ATXN10: variants seen among roughly 807,000 people sequenced by gnomAD.
The protein encoded by ATXN10 is ataxin-10.
In ATXN10, 28 loss-of-function variants were observed where a neutral mutation model predicts 52.9. The observed-to-expected ratio is 0.53, with a 90% CI of 0.39 to 0.73. The LOEUF (loss-of-function observed/expected upper bound fraction) is 0.73, where lower values mean the gene tolerates loss of function less well. Among genes scored for constraint, ATXN10 ranks in the 30% least tolerant of loss-of-function variants. The pLI, the probability that ATXN10 is intolerant of heterozygous loss-of-function variation, is 0.00. For missense variants in ATXN10, 565 were observed against 577.0 expected (o/e 0.98, Z 0.21); for synonymous variants, 226 against 221.5 (o/e 1.02, Z -0.18).
At chr22:45,827,597 AC>A (rs1904305411) in intron 10 of ATXN10, among the ~76,000 whole-genome samples, 2 of 152,364 alleles carry the variant, frequency 1.3e-5, no homozygotes, top group East Asian at 3.9e-4. Context: ...GTAAGAAGAT[AC>A]AACAGATATA....
chr22:45,839,631 A>G (rs1341948384), intron 10 of ATXN10, among the ~76,000 whole-genome samples: 1 of 152,254 alleles, frequency 6.6e-6, no homozygotes, highest in African/African-American at 2.4e-5. Flanking sequence ...TGCTATTAAA[A>G]TACCGTGGTA....
rs369800298 is a variant in ATXN10, at chr22:45,702,793, A to G, written c.593A>G (p.Asn198Ser). 1.3e-4 allele frequency: 211 copies of G among 1,613,968 alleles called. No homozygotes were observed. Among genetic ancestry groups the G allele is most frequent in the Middle Eastern group, 6.6e-4 (4 of 6,038 alleles). ...ATGAAAGAACTGGAGGAGAACCTCA[A>G]TATTGCAATTGATGTCATAGATGCT... ...ERMKELEENL[N>S]IAIDVIDAYQ... The change falls in exon 5 of 12, where the codon AAT becomes AGT. Residue 198 changes from asparagine (N) to serine (S), a missense_variant. By Grantham distance (46) the Asn-to-Ser change is conservative. Transcript: ENST00000252934.
At chr22:45,737,301 G>A (rs546111281) in intron 7 of ATXN10, among the ~76,000 whole-genome samples, 2 of 152,328 alleles carry the variant, frequency 1.3e-5, no homozygotes, top group South Asian at 4.1e-4. Flanking sequence ...AAGATGTCCA[G>A]GGTTACCTTT....
intron 10 of ATXN10, among the ~76,000 whole-genome samples, chr22:45,817,031 C>T (rs1928483838): frequency 6.6e-6 from 1 of 152,164 alleles, no homozygotes; most frequent in Non-Finnish European, 1.5e-5. Flanking sequence ...AATGAATTTC[C>T]ATGCCAGGAG....
Position 45,824,935 on chromosome 22 carries a change from A to G in ATXN10, c.1237+17913A>G, listed in dbSNP as rs113832936. On this transcript the variant is annotated intron_variant, in intron 10 of 11. Transcript: ENST00000252934. This position sits in a 1 kb window ranked among gnomAD's most constrained non-coding sequence, Gnocchi z 5.2. ...CTGAATCTGATGTAACTGTTTTGGT[A>G]CGCTGAAGTCCACTGAAGTCTTGCA... Among the ~76,000 whole-genome samples, 1 of 152,214 alleles carries G rather than the reference A, an allele frequency of 6.6e-6. No individual in the cohort carries two copies. Among genetic ancestry groups the G allele is most frequent in the African/African-American group, 2.4e-5 (1 of 41,454 alleles).
chr22:45,778,473 T>A (rs1253399043), intron 9 of ATXN10, among the ~76,000 whole-genome samples: 3 of 152,202 alleles, frequency 2.0e-5, no homozygotes, highest in Non-Finnish European at 4.4e-5. Context: ...GAGTACATGC[T>A]CAGTGTGTTC....
chr22:45,700,594 A>G (rs751157435), intron 4 of ATXN10, among the ~76,000 whole-genome samples: 11 of 152,224 alleles, frequency 7.2e-5, no homozygotes, highest in Non-Finnish European at 1.5e-4. Flanking sequence ...GGTGGTGGTT[A>G]CATGGATGTA....
chr22:45,689,557 T>C (rs1014068867), intron 1 of ATXN10, 155 bp from the exon 2 acceptor site: 5 of 665,744 alleles, frequency 7.5e-6, no homozygotes, highest in Non-Finnish European at 1.3e-5. Context: ...GCTCAATATG[T>C]GTAGATCTTT....
intron 9 of ATXN10, among the ~76,000 whole-genome samples, chr22:45,742,810 T>C (rs1389307441): frequency 2.1e-5 from 3 of 143,912 alleles, no homozygotes; most frequent in Non-Finnish European, 4.5e-5. Flanking sequence ...AATCCTCATC[T>C]TCAGGAGAGT....
At chr22:45,838,745 G>A (rs1569084612) in intron 10 of ATXN10, among the ~76,000 whole-genome samples, 1 of 152,170 alleles carries the variant, frequency 6.6e-6, no homozygotes, top group Non-Finnish European at 1.5e-5. Context: ...ACCCAGGGCT[G>A]TGGACCAGAC....
intron 10 of ATXN10, among the ~76,000 whole-genome samples, chr22:45,815,796 C>T (rs918362302): frequency 1.3e-5 from 2 of 152,158 alleles, no homozygotes; most frequent in East Asian, 1.9e-4. Flanking sequence ...CTAATTCAGA[C>T]GTTTAAACTC....
At chr22:45,697,693 G>T (rs1050444977) in intron 3 of ATXN10, among the ~76,000 whole-genome samples, 2 of 151,918 alleles carry the variant, frequency 1.3e-5, no homozygotes, top group Non-Finnish European at 2.9e-5. Context: ...GCAGTGGGGC[G>T]ATCTCGGCTC....
Position 45,823,914 on chromosome 22 carries a change from C to G in ATXN10, c.1237+16892C>G, listed in dbSNP as rs1398753626. Among the ~76,000 whole-genome samples, 9 of 152,166 alleles carry G rather than the reference C, an allele frequency of 5.9e-5. No homozygotes were observed. The East Asian group carries it at 1.7e-3, about 29-fold the overall frequency. On this transcript the variant is annotated intron_variant, in intron 10 of 11. Transcript: ENST00000252934. This position sits in a 1 kb window ranked among gnomAD's most constrained non-coding sequence, Gnocchi z 4.9. ...TCAGGTCACCTGGGAGACTCTGTGC[C>G]CTCAGCATCTTGTGACGTGCCCTTG...
intron 3 of ATXN10, among the ~76,000 whole-genome samples, chr22:45,698,582 T>A (rs1290786263): frequency 2.0e-5 from 3 of 152,248 alleles, no homozygotes; most frequent in Non-Finnish European, 4.4e-5. Flanking sequence ...AGTTTTCAAG[T>A]TCATGAATAT....
At position 45,787,328 on chromosome 22, in the gene ATXN10, C is replaced by A. The variant is rs537177236; in HGVS notation, c.1174-19631C>A. Among the ~76,000 whole-genome samples, 20 of 152,224 alleles carry A rather than the reference C, an allele frequency of 1.3e-4. 1 individual carries two copies. The highest frequency in any genetic ancestry group is 5.9e-4 in the Admixed American group (9 of 15,306). On this transcript the variant is annotated intron_variant, in intron 9 of 11. Coordinates refer to ENST00000252934, the MANE Select transcript of ATXN10 (RefSeq NM_013236.4). The surrounding 1 kb of genome is among the most constrained non-coding windows in gnomAD (Gnocchi z 4.2). ...GTGACGATCCTCTAGCTGAAATGGA[C>A]TCTAATTCTCATTGACTCCAAAACT...
At chr22:45,797,410 C>T (rs1569069029) in intron 9 of ATXN10, among the ~76,000 whole-genome samples, 1 of 152,178 alleles carries the variant, frequency 6.6e-6, no homozygotes, top group Non-Finnish European at 1.5e-5. Flanking sequence ...TAAAATATCT[C>T]TAATATCCCA....
chr22:45,813,163 C>T (rs1294321814), intron 10 of ATXN10, among the ~76,000 whole-genome samples: 1 of 152,138 alleles, frequency 6.6e-6, no homozygotes, highest in Non-Finnish European at 1.5e-5. Context: ...CCAATGCCAT[C>T]GGAAAATTCC....
At chr22:45,738,940 T>C (rs1925407153) in intron 8 of ATXN10, 101 bp downstream of exon 8, 3 of 1,108,254 alleles carry the variant, frequency 2.7e-6, no homozygotes, top group Admixed American at 1.9e-5. Context: ...CAGTGTACTT[T>C]GGGAATTTTG....
chr22:45,740,243 A>G, intron 8 of ATXN10, 126 bp from the exon 9 acceptor site: 1 of 891,188 alleles, frequency 1.1e-6, no homozygotes, highest in Non-Finnish European at 1.8e-6. Flanking sequence ...CATTATTTAA[A>G]TAAAGCTTTC....
Sources: allele counts gnomAD v4.1 joint callset (sites outside exome capture counted in the v4.1 genomes callset), GRCh38; gene constraint gnomAD v4.1.1; non-coding constraint Gnocchi (gnomAD v3.1); transcripts MANE v1.5; gene names NCBI Gene and HGNC (gene_info 2026-07-23, HGNC 2026-07-21).